KAZN: variants seen among roughly 807,000 people sequenced by gnomAD.
KAZN encodes kazrin, periplakin interacting protein.
Under a neutral mutation model 87.4 loss-of-function variants are expected in KAZN, and 40 were observed. The ratio of observed to expected loss-of-function variants is 0.46; its 90% CI spans 0.36 to 0.60. KAZN has a LOEUF of 0.60. KAZN is among the 20% of genes least tolerant of loss of function. KAZN has a pLI of 0.00. For synonymous variants in KAZN, 466 were observed against 458.3 expected, an observed-to-expected ratio of 1.02 and a Z score of -0.22; for missense variants, 898 against 1,073.9, an observed-to-expected ratio of 0.84 and a Z score of 2.29.
At chr1:13,911,760 C>T (rs1231208557) in intron 1 of KAZN, among the ~76,000 whole-genome samples, 1 of 152,034 alleles carries the variant, frequency 6.6e-6, no homozygotes, top group Non-Finnish European at 1.5e-5. Flanking sequence ...ATCCTTAGTC[C>T]TTAAATAAAA....
In KAZN at chr1:13,945,710, T is replaced by TGAGA. The variant is rs200937986; in HGVS notation, c.91+51977_91+51980dup. ...GTGTGTGTGTGTGTGTGTGTGTGTG[T>TGAGA]GAGAGAGAGAGAGAGAGAGAGAGAG... On this transcript the variant is annotated intron_variant, in intron 1 of 16. Coordinates refer to the KAZN transcript ENST00000636203. Among the ~76,000 whole-genome samples, 305 of 137,254 alleles carry TGAGA rather than the reference T, an allele frequency of 2.2e-3. 2 individuals are homozygous for TGAGA. Among genetic ancestry groups the TGAGA allele is most frequent in the African/African-American group, 7.4e-3 (257 of 34,570 alleles). 90.0% of individuals were successfully genotyped at this position (137,254 alleles called of 152,430 possible).
chr1:14,915,590 T>C (rs546579164), intron 1 of KAZN, among the ~76,000 whole-genome samples: 2 of 152,350 alleles, frequency 1.3e-5, no homozygotes, highest in East Asian at 3.9e-4. Flanking sequence ...GGGTTCCCTC[T>C]GAGTCCCCCC....
At position 14,476,890 on chromosome 1, in the gene KAZN, A is replaced by G. The variant is rs186140246; in HGVS notation, c.250-122093A>G. On this transcript the variant is annotated intron_variant, in intron 2 of 16. Transcript: ENST00000636203. ...TACCTTTTTGTTCTCCGACTATACC[A>G]AGCTTGTTCCTGCCACAAGGCCTTT... is the stretch of plus-strand genomic sequence containing the variant. Among the ~76,000 whole-genome samples, 13 of 152,172 alleles carry G rather than the reference A, an allele frequency of 8.5e-5. No homozygotes were observed. In the East Asian group the frequency reaches 2.5e-3, roughly 29 times the overall value.
At chr1:13,927,006 G>C (rs923290981) in intron 1 of KAZN, among the ~76,000 whole-genome samples, 1 of 152,186 alleles carries the variant, frequency 6.6e-6, no homozygotes, top group South Asian at 2.1e-4. Context: ...TCGGCCCTTT[G>C]TTTTCCATGA....
At chr1:15,073,275 T>A (rs1206992746) in intron 8 of KAZN, among the ~76,000 whole-genome samples, 1 of 152,166 alleles carries the variant, frequency 6.6e-6, no homozygotes. Flanking sequence ...CCAGGCCCCA[T>A]CCTGTAGCTA....
At chr1:14,021,492 G>A (rs1333799654) in intron 1 of KAZN, among the ~76,000 whole-genome samples, 1 of 152,206 alleles carries the variant, frequency 6.6e-6, no homozygotes, top group Admixed American at 6.5e-5. Flanking sequence ...ACTTTGGTGT[G>A]TGTCAAAATC....
intron 2 of KAZN, among the ~76,000 whole-genome samples, chr1:14,326,210 C>G (rs1275912421): frequency 6.6e-6 from 1 of 152,126 alleles, no homozygotes; most frequent in East Asian, 1.9e-4. Context: ...CCCGCCCCAC[C>G]GCCGAGTTCC....
chr1:14,080,129 C>T (rs1253347421), intron 1 of KAZN, among the ~76,000 whole-genome samples: 1 of 67,274 alleles, frequency 1.5e-5, no homozygotes, highest in African/African-American at 5.6e-5. Context: ...TCTAAGTTCT[C>T]AGCTGGGGTC....
intron 1 of KAZN, among the ~76,000 whole-genome samples, chr1:13,971,595 GT>G (rs34600098): frequency 0.15 from 21,046 of 144,738 alleles, 1,567 homozygotes; most frequent in Middle Eastern, 0.22. Context: ...ATCTTGTGAG[GT>G]TTTTTTTTTG....
At position 14,773,945 on chromosome 1, in the gene KAZN, C is replaced by T. The variant is rs570696965; in HGVS notation, c.226+174722C>T. ...CTAATTAGAAAAAAGTGGTTCTCAC[C>T]GCCAAAGCCCTCCAGCCCATGGCTG... On this transcript the variant is annotated intron_variant, in intron 1 of 14. Coordinates refer to ENST00000376030, the MANE Select transcript of KAZN (RefSeq NM_201628.3). This position sits in a 1 kb window ranked among gnomAD's most constrained non-coding sequence, Gnocchi z 5.9. Among the ~76,000 whole-genome samples the T allele has an allele frequency of 1.2e-4, 19 of 152,218 alleles. No individual in the cohort carries two copies. The highest frequency in any genetic ancestry group is 2.1e-4 in the Non-Finnish European group (14 of 68,034).
intron 1 of KAZN, among the ~76,000 whole-genome samples, chr1:14,124,045 T>G (rs976623419): frequency 1.3e-5 from 2 of 152,220 alleles, no homozygotes; most frequent in Non-Finnish European, 2.9e-5. Flanking sequence ...ATGACGACTT[T>G]TCCCTCCATT....
In KAZN at chr1:13,916,091, A is replaced by G. The variant is rs141940191; in HGVS notation, c.91+22335A>G. On this transcript the variant is annotated intron_variant, in intron 1 of 16. Transcript: ENST00000636203. ...TCACCAGCAGGATGATCAGCCCCAG[A>G]TGCCTTTGGTGCTTGCATCCTGCAG... Among the ~76,000 whole-genome samples, 1,506 of 152,248 alleles carry G rather than the reference A, an allele frequency of 9.9e-3. 28 individuals are homozygous for G. Among genetic ancestry groups the G allele is most frequent in the African/African-American group, 0.035 (1,452 of 41,534 alleles).
chr1:14,056,688 A>G (rs1027854662), intron 1 of KAZN, among the ~76,000 whole-genome samples: 2 of 152,208 alleles, frequency 1.3e-5, no homozygotes, highest in African/African-American at 4.8e-5. Flanking sequence ...TTTGTTCATG[A>G]TCACACAGCA....
intron 1 of KAZN, among the ~76,000 whole-genome samples, chr1:14,909,408 C>T (rs763057293): frequency 4.6e-5 from 7 of 152,212 alleles, no homozygotes; most frequent in Non-Finnish European, 8.8e-5. Context: ...GTGCTGCAAT[C>T]TCCGCCTCCG....
chr1:14,670,709 T>C (rs1356140147), intron 1 of KAZN, among the ~76,000 whole-genome samples: 1 of 152,180 alleles, frequency 6.6e-6, no homozygotes, highest in Non-Finnish European at 1.5e-5. Context: ...CCAGTGCATG[T>C]GGATTTGAAT....
At chr1:14,841,135 C>A (rs767145375) in intron 1 of KAZN, among the ~76,000 whole-genome samples, 1 of 152,038 alleles carries the variant, frequency 6.6e-6, no homozygotes, top group Non-Finnish European at 1.5e-5. Context: ...GAGCCATAAG[C>A]GGCCGGGTGT....
chr1:14,754,620 G>C (rs900378633), intron 1 of KAZN, among the ~76,000 whole-genome samples: 1 of 152,054 alleles, frequency 6.6e-6, no homozygotes, highest in African/African-American at 2.4e-5. Context: ...GTGAAAGAGG[G>C]AGATTCGGTC....
intron 2 of KAZN, among the ~76,000 whole-genome samples, chr1:14,991,148 T>A (rs1667314050): frequency 6.6e-6 from 1 of 151,134 alleles, no homozygotes. Context: ...AGGTCAGGAG[T>A]TCGAGACCAG....
At chr1:14,646,622 G>A (rs149752346) in intron 1 of KAZN, among the ~76,000 whole-genome samples, 2 of 152,018 alleles carry the variant, frequency 1.3e-5, no homozygotes, top group African/African-American at 2.4e-5. Flanking sequence ...CTTGTAGGGG[G>A]CTTATAGCAT....
Sources: allele counts gnomAD v4.1 joint callset (sites outside exome capture counted in the v4.1 genomes callset), GRCh38; gene constraint gnomAD v4.1.1; non-coding constraint Gnocchi (gnomAD v3.1); transcripts MANE v1.5; gene names NCBI Gene and HGNC (gene_info 2026-07-23, HGNC 2026-07-21).